Variants in MB observed in about 807,000 individuals in gnomAD.
MB encodes the protein myoglobin.
Under a neutral mutation model 14.5 loss-of-function variants are expected in MB, and 10 were observed. The observed-to-expected ratio is 0.69, with a 90% CI of 0.43 to 1.17. The LOEUF (loss-of-function observed/expected upper bound fraction) is 1.17, where lower values mean the gene tolerates loss of function less well. Ranked by LOEUF, MB falls within the 50% of genes most tolerant of loss-of-function variation. MB has a pLI of 0.00. For synonymous variants in MB, 89 were observed against 78.6 expected, an observed-to-expected ratio of 1.13 and a Z score of -0.70; for missense variants, 169 against 192.7, an observed-to-expected ratio of 0.88 and a Z score of 0.73.
At chr22:35,621,718 C>T (rs547828059), upstream of MB, among the ~76,000 whole-genome samples, 294 of 152,322 alleles carry the variant, frequency 1.9e-3, 1 homozygote, top group African/African-American at 6.5e-3. Flanking sequence ...GCTCCGCCTG[C>T]TCCTTGGGGA....
chr22:35,622,883 C>A (rs1426066083), intron 1 of MB, among the ~76,000 whole-genome samples: 1 of 152,156 alleles, frequency 6.6e-6, no homozygotes, highest in Admixed American at 6.5e-5. Flanking sequence ...GGCTCCCCTG[C>A]CAGGACTCCT....
chr22:35,615,396 C>A (rs1441949803), intron 1 of MB, among the ~76,000 whole-genome samples: 1 of 152,182 alleles, frequency 6.6e-6, no homozygotes, highest in Non-Finnish European at 1.5e-5. Flanking sequence ...TTTCAGGGAC[C>A]AGCAACCCTA....
Position 35,610,905 on chromosome 22 carries a change from C to T in MB, c.297G>A (p.Lys99=), listed in dbSNP as rs146472305. The part of the protein sequence containing the change: ...PLAQSHATKH[K]IPVKYLEFIS... ...CTACCTCCAGGTACTTCACGGGGAT[C>T]TTGTGCTTGGTGGCATGCGACTGTG... Residue 99 remains lysine, a synonymous_variant, in exon 2 of 3, where the codon AAG becomes AAA. Transcript: ENST00000397326. The T allele has an allele frequency of 6.2e-7, 1 of 1,614,056 alleles. No homozygotes were observed. Among genetic ancestry groups the T allele is most frequent in the African/African-American group, 1.3e-5 (1 of 75,020 alleles).
chr22:35,619,481 G>T (rs953812968), upstream of MB, among the ~76,000 whole-genome samples: 5 of 152,156 alleles, frequency 3.3e-5, no homozygotes, highest in African/African-American at 1.2e-4. Context: ...GAAGATAACT[G>T]CCCTGCCCCA....
intron 1 of MB, among the ~76,000 whole-genome samples, chr22:35,616,056 G>C (rs1256267242): frequency 1.3e-5 from 2 of 152,184 alleles, no homozygotes; most frequent in African/African-American, 4.8e-5. Context: ...GAGTGGAAGA[G>C]GAAAATTGGC....
chr22:35,617,552 G>T (rs898955040), upstream of MB: 21 of 371,238 alleles, frequency 5.7e-5, no homozygotes, highest in African/African-American at 3.4e-4. Context: ...TGGGGTGGTT[G>T]TGCGTGTGGA....
rs1296719288 is a variant in MB, at chr22:35,608,840, A to G, written c.319-1397T>C. On this transcript the variant is annotated intron_variant, in intron 2 of 2. Transcript: ENST00000397326. This position sits in a 1 kb window ranked among gnomAD's most constrained non-coding sequence, Gnocchi z 4.3. ...AACGGAGCCACTGCATAATTGAGAA[A>G]TGGAAACACTCTCGGCACCCACCAC... 6.6e-6 allele frequency among the ~76,000 whole-genome samples: 1 copy of G among 152,184 alleles called. No homozygotes were observed. The highest frequency in any genetic ancestry group is 1.5e-5 in the Non-Finnish European group (1 of 68,022).
chr22:35,619,221 A>G (rs1923308801), upstream of MB, among the ~76,000 whole-genome samples: 1 of 152,240 alleles, frequency 6.6e-6, no homozygotes. Flanking sequence ...AAAATACAGT[A>G]CAGTTTGTTT....
At chr22:35,609,386 C>G (rs1481632314) in intron 2 of MB, among the ~76,000 whole-genome samples, 1 of 152,188 alleles carries the variant, frequency 6.6e-6, no homozygotes, top group Non-Finnish European at 1.5e-5. Context: ...AGTGGATGAA[C>G]AGGGATTTGC....
Position 35,608,597 on chromosome 22 carries a change from G to A in MB, c.319-1154C>T, listed in dbSNP as rs574505161. 1.5e-3 allele frequency among the ~76,000 whole-genome samples: 231 copies of A among 152,342 alleles called. 1 individual carries two copies. Among genetic ancestry groups the A allele is most frequent in the South Asian group, 5.0e-3 (24 of 4,824 alleles). ...CTCTTGGGCATCAAGGTGGATGCTT[G>A]ACTTCACCTTCCATTTCATGAATGC... On this transcript the variant is annotated intron_variant, in intron 2 of 2. Coordinates refer to ENST00000397326, the MANE Select transcript of MB (RefSeq NM_005368.3). This position sits in a 1 kb window ranked among gnomAD's most constrained non-coding sequence, Gnocchi z 4.3.
At chr22:35,618,215 A>AGTAAACATCACTGATGTACAG, upstream of MB, among the ~76,000 whole-genome samples, 1 of 152,192 alleles carries the variant, frequency 6.6e-6, no homozygotes, top group Non-Finnish European at 1.5e-5. Context: ...CTGATGTACA[A>AGTAAACATCACTGATGTACAG]CTAGTCGCTG....
chr22:35,620,061 C>T (rs1007927509), upstream of MB, among the ~76,000 whole-genome samples: 8 of 152,170 alleles, frequency 5.3e-5, no homozygotes, highest in East Asian at 1.9e-4. Context: ...GGGGGCCGGG[C>T]GTGGTGGCTC....
upstream of MB, among the ~76,000 whole-genome samples, chr22:35,622,253 A>G (rs1923515030): frequency 6.6e-6 from 1 of 152,096 alleles, no homozygotes. Context: ...TCCTGCCAGC[A>G]GGCCCTCCCA....
chr22:35,617,960 C>T (rs920284832), upstream of MB, among the ~76,000 whole-genome samples: 2 of 152,182 alleles, frequency 1.3e-5, no homozygotes, highest in Non-Finnish European at 2.9e-5. Flanking sequence ...TAATTGCTTC[C>T]TCCTTTCCTT....
intron 1 of MB, among the ~76,000 whole-genome samples, chr22:35,615,281 G>A (rs1238843354): frequency 6.6e-6 from 1 of 152,140 alleles, no homozygotes; most frequent in East Asian, 1.9e-4. Context: ...CCCCCAGGGA[G>A]GCCATCCTCC....
At position 35,617,273 on chromosome 22, in the gene MB, A is replaced by G. The variant is rs772410964; in HGVS notation, c.-16T>C. The G allele has an allele frequency of 3.7e-6, 6 of 1,607,118 alleles. 1 individual carries two copies. In the South Asian group the frequency reaches 6.6e-5, roughly 18 times the overall value. ...TGAGCCCCATGGCGCAGTCTGAAGA[A>G]GACAAAAAGAGCAAGTATGGGCTCA... On this transcript the variant is annotated 5_prime_UTR_variant, in exon 1 of 3. Coordinates refer to ENST00000397326, the MANE Select transcript of MB (RefSeq NM_005368.3).
chr22:35,621,141 C>CT, upstream of MB, among the ~76,000 whole-genome samples: 1 of 152,174 alleles, frequency 6.6e-6, no homozygotes, highest in Non-Finnish European at 1.5e-5. Context: ...GGCAGAGAAG[C>CT]TGCAGACACA....
At chr22:35,614,619 T>C (rs773601692) in intron 1 of MB, among the ~76,000 whole-genome samples, 3 of 152,250 alleles carry the variant, frequency 2.0e-5, no homozygotes, top group African/African-American at 4.8e-5. Flanking sequence ...ATCATAATCA[T>C]ATCTACCTCA....
chr22:35,609,307 A>G (rs1385047732), intron 2 of MB, among the ~76,000 whole-genome samples: 2 of 152,218 alleles, frequency 1.3e-5, no homozygotes, highest in African/African-American at 4.8e-5. Flanking sequence ...AGGGGCTGGC[A>G]GATGGAACCG....
Sources: allele counts gnomAD v4.1 joint callset (sites outside exome capture counted in the v4.1 genomes callset), GRCh38; gene constraint gnomAD v4.1.1; non-coding constraint Gnocchi (gnomAD v3.1); transcripts MANE v1.5; gene names NCBI Gene and HGNC (gene_info 2026-07-23, HGNC 2026-07-21).